The following NKAIN2 variants were observed in gnomAD, a reference collection of about 807,000 sequenced individuals.
The protein encoded by NKAIN2 is sodium/potassium-transporting ATPase subunit beta-1-interacting protein 2.
NKAIN2 carries 14 observed loss-of-function variants against 32.6 expected under a neutral mutation model. The ratio of observed to expected loss-of-function variants is 0.43; its 90% CI spans 0.28 to 0.67. The LOEUF (loss-of-function observed/expected upper bound fraction) is 0.67, where lower values mean the gene tolerates loss of function less well. Among genes scored for constraint, NKAIN2 ranks in the 30% least tolerant of loss-of-function variants. The pLI, the probability that NKAIN2 is intolerant of heterozygous loss-of-function variation, is 0.17. For missense variants in NKAIN2, 198 were observed against 258.3 expected (o/e 0.77, Z 1.60); for synonymous variants, 80 against 87.2 (o/e 0.92, Z 0.46).
chr6:124,765,662 G>T (rs1255400945), intron 4 of NKAIN2, among the ~76,000 whole-genome samples: 1 of 152,182 alleles, frequency 6.6e-6, no homozygotes, highest in Non-Finnish European at 1.5e-5. Context: ...AAGCATTAAT[G>T]CCTCATCTTC....
rs140429910 is a variant in NKAIN2, at chr6:124,769,560, A to T, written c.475-21779A>T. Among the ~76,000 whole-genome samples, 12 of 152,144 alleles carry T rather than the reference A, an allele frequency of 7.9e-5. 1 individual carries two copies. The highest frequency in any genetic ancestry group is 5.8e-4 in the East Asian group (3 of 5,180). ...AACTAGATTAACTTTGAAAGATTAT[A>T]AAAAAACTCAGAATTCTCCATGTCT... is the stretch of plus-strand genomic sequence containing the variant. On this transcript the variant is annotated intron_variant, in intron 4 of 6. Coordinates refer to ENST00000368417, the MANE Select transcript of NKAIN2 (RefSeq NM_001040214.3).
Position 124,462,033 on chromosome 6 carries a change from G to T in NKAIN2, c.273+106686G>T, listed in dbSNP as rs1363506001. Among the ~76,000 whole-genome samples the T allele has an allele frequency of 7.2e-5, 11 of 151,902 alleles. No individual in the cohort carries two copies. In the East Asian group the frequency reaches 1.9e-3, roughly 27 times the overall value. On this transcript the variant is annotated intron_variant, in intron 3 of 6. Coordinates refer to ENST00000368417, the MANE Select transcript of NKAIN2 (RefSeq NM_001040214.3). The stretch of plus-strand genomic sequence containing the variant: ...TGCATGTAACAATATTAAATTCTAG[G>T]ACTAACACATAATATTTCAGCACAT...
At chr6:124,277,109 C>T (rs140728392) in intron 1 of NKAIN2, among the ~76,000 whole-genome samples, 25 of 152,068 alleles carry the variant, frequency 1.6e-4, no homozygotes, top group African/African-American at 4.3e-4. Context: ...GAATCAAGGA[C>T]GTAGTATTCA....
intron 1 of NKAIN2, among the ~76,000 whole-genome samples, chr6:124,262,242 T>C (rs766250550): frequency 5.3e-5 from 8 of 152,154 alleles, no homozygotes; most frequent in Non-Finnish European, 1.0e-4. Flanking sequence ...TATCATGCAC[T>C]CATAATCCAA....
chr6:124,127,148 A>C (rs1277967304), intron 1 of NKAIN2, among the ~76,000 whole-genome samples: 1 of 152,224 alleles, frequency 6.6e-6, no homozygotes, highest in East Asian at 1.9e-4. Context: ...CAGTGATGTA[A>C]GAACTATTCA....
intron 1 of NKAIN2, among the ~76,000 whole-genome samples, chr6:124,172,952 C>A (rs887330368): frequency 2.0e-5 from 3 of 152,064 alleles, no homozygotes; most frequent in African/African-American, 7.2e-5. Flanking sequence ...TCTACACATG[C>A]CTTTGGAATT....
intron 1 of NKAIN2, among the ~76,000 whole-genome samples, chr6:123,807,260 A>G (rs1773257209): frequency 6.6e-6 from 1 of 152,108 alleles, no homozygotes; most frequent in Non-Finnish European, 1.5e-5. Context: ...GTTTCCATAT[A>G]TATCATAAAT....
chr6:124,256,809 G>A (rs1012541372), intron 1 of NKAIN2, among the ~76,000 whole-genome samples: 5 of 150,450 alleles, frequency 3.3e-5, no homozygotes, highest in Non-Finnish European at 7.4e-5. Flanking sequence ...CAACAGGATA[G>A]AGTTTATCTT....
chr6:124,116,319 T>G (rs1156360867), intron 1 of NKAIN2, among the ~76,000 whole-genome samples: 6 of 152,096 alleles, frequency 3.9e-5, no homozygotes, highest in Admixed American at 3.9e-4. Flanking sequence ...ACTTGTACCT[T>G]CTGGTTTATG....
intron 3 of NKAIN2, among the ~76,000 whole-genome samples, chr6:124,491,298 G>T (rs1195391928): frequency 2.6e-5 from 4 of 151,854 alleles, no homozygotes; most frequent in Non-Finnish European, 5.9e-5. Context: ...CTTGAGCTCT[G>T]CTCTACTGTG....
At chr6:124,312,567 G>A (rs189028536) in intron 2 of NKAIN2, among the ~76,000 whole-genome samples, 8 of 152,152 alleles carry the variant, frequency 5.3e-5, no homozygotes, top group Admixed American at 1.3e-4. Context: ...GGCAGGGTGT[G>A]GGGGAAGGAG....
At chr6:124,303,119 A>G (rs998441505) in intron 2 of NKAIN2, among the ~76,000 whole-genome samples, 3 of 152,330 alleles carry the variant, frequency 2.0e-5, no homozygotes, top group Non-Finnish European at 4.4e-5. Flanking sequence ...ACTATTAGAG[A>G]ACTTTAAGAT....
intron 3 of NKAIN2, among the ~76,000 whole-genome samples, chr6:124,400,657 A>T (rs1773587229): frequency 6.6e-6 from 1 of 152,172 alleles, no homozygotes; most frequent in African/African-American, 2.4e-5. Flanking sequence ...AAAAAAGAAG[A>T]TTCTAAAATG....
chr6:123,977,443 A>G (rs1467278916), intron 1 of NKAIN2, among the ~76,000 whole-genome samples: 1 of 152,150 alleles, frequency 6.6e-6, no homozygotes, highest in Non-Finnish European at 1.5e-5. Flanking sequence ...TACTTAGTTC[A>G]GGCTTATGAG....
intron 1 of NKAIN2, among the ~76,000 whole-genome samples, chr6:123,903,458 A>G (rs187153143): frequency 3.9e-5 from 6 of 152,338 alleles, no homozygotes; most frequent in African/African-American, 1.4e-4. Flanking sequence ...AATATTCAAC[A>G]TCAAAGGTTA....
intron 1 of NKAIN2, among the ~76,000 whole-genome samples, chr6:124,160,907 T>C (rs2114447251): frequency 6.6e-6 from 1 of 152,248 alleles, no homozygotes; most frequent in Non-Finnish European, 1.5e-5. Flanking sequence ...AATTTCAAGA[T>C]CCAAATATTC....
chr6:124,261,665 G>T lies in NKAIN2; in HGVS notation c.55-21340G>T, dbSNP rs1794254504. ...ACTTGAGGTCAGGAGTTCGAGACTA[G>T]TCTGGCCAAGATGGCAAAGCCCCAC... On this transcript the variant is annotated intron_variant, in intron 1 of 6. Coordinates refer to ENST00000368417, the MANE Select transcript of NKAIN2 (RefSeq NM_001040214.3). Among the ~76,000 whole-genome samples the T allele has an allele frequency of 2.0e-5, 3 of 152,114 alleles. 1 individual carries two copies. Among genetic ancestry groups the T allele is most frequent in the African/African-American group, 7.2e-5 (3 of 41,416 alleles).
At chr6:123,854,079 T>C (rs942266174) in intron 1 of NKAIN2, among the ~76,000 whole-genome samples, 1 of 152,158 alleles carries the variant, frequency 6.6e-6, no homozygotes, top group Non-Finnish European at 1.5e-5. Context: ...GCCCGATAAA[T>C]TTTCTTTCCT....
At position 124,426,335 on chromosome 6, in the gene NKAIN2, G is replaced by A. The variant is rs555015241; in HGVS notation, c.273+70988G>A. Among the ~76,000 whole-genome samples the A allele has an allele frequency of 3.9e-4, 60 of 152,196 alleles. 1 individual carries two copies. The South Asian group carries it at 0.012, about 30-fold the overall frequency. ...TCCACACTTAAAAAATGATAAAACT[G>A]ACTTTACTGATACTAAAACTTCTGT... On this transcript the variant is annotated intron_variant, in intron 3 of 6. Coordinates refer to ENST00000368417, the MANE Select transcript of NKAIN2 (RefSeq NM_001040214.3).
Sources: gnomAD v4.1 joint callset for allele counts (sites outside exome capture counted in the v4.1 genomes callset) on GRCh38, gnomAD v4.1.1 for gene constraint, MANE v1.5 for transcripts, NCBI Gene and HGNC (gene_info 2026-07-23, HGNC 2026-07-21) for gene names.